Variants in PLEKHM3 observed in about 807,000 individuals in gnomAD.
The protein encoded by PLEKHM3 is pleckstrin homology domain-containing family M member 3.
A neutral mutation model predicts 81.8 loss-of-function variants in PLEKHM3; 45 were observed. That is an observed-to-expected ratio of 0.55 (90% CI 0.43 to 0.71). The LOEUF is 0.71. Ranked by LOEUF, PLEKHM3 falls within the 30% of genes least tolerant of loss-of-function variation. PLEKHM3 has a pLI of 0.00. For synonymous variants in PLEKHM3, 352 were observed against 356.4 expected (o/e 0.99, Z 0.14); for missense variants, 788 against 924.3 (o/e 0.85, Z 1.91).
intron 4 of PLEKHM3, among the ~76,000 whole-genome samples, chr2:207,944,493 G>A (rs767942145): frequency 5.9e-5 from 9 of 152,162 alleles, no homozygotes; most frequent in African/African-American, 1.9e-4. Flanking sequence ...ATGTAGGCAC[G>A]TTTATAGGTC....
At chr2:207,903,013 C>T (rs894021915) in intron 6 of PLEKHM3, among the ~76,000 whole-genome samples, 1 of 151,996 alleles carries the variant, frequency 6.6e-6, no homozygotes, top group Non-Finnish European at 1.5e-5. Flanking sequence ...CTTTTCATGG[C>T]TCTTGAGTGC....
chr2:207,894,059 G>A (rs1169132211), intron 6 of PLEKHM3, among the ~76,000 whole-genome samples: 1 of 152,208 alleles, frequency 6.6e-6, no homozygotes, highest in African/African-American at 2.4e-5. Context: ...CGAGGCTGCA[G>A]TGAGCTGGGA....
intron 5 of PLEKHM3, among the ~76,000 whole-genome samples, chr2:207,923,975 C>A (rs2105927606): frequency 7.3e-6 from 1 of 137,452 alleles, no homozygotes; most frequent in East Asian, 2.3e-4. Flanking sequence ...GTGGCGCAAT[C>A]TGAGCTCATT....
Position 207,858,174 on chromosome 2 carries a change from G to GTGTGTATATA in PLEKHM3, c.2108+2930_2108+2931insTATATACACA, listed in dbSNP as rs373920637. 4.5e-3 allele frequency among the ~76,000 whole-genome samples: 559 copies of GTGTGTATATA among 123,246 alleles called. 6 individuals carry two copies. Among genetic ancestry groups the GTGTGTATATA allele is most frequent in the African/African-American group, 0.018 (516 of 28,320 alleles). The allele number at this position is 123,246 out of a possible 152,430, so 80.9% of individuals were successfully genotyped here. A position where few individuals can be genotyped will look rare whatever the true frequency, so the allele number is the denominator to read the frequency against. ...TGTGTGTGTGTGTGTGTGTGTGTGT[G>GTGTGTATATA]TATATATTTTTTTTTTTGAGATGAA... On this transcript the variant is annotated intron_variant, in intron 7 of 7. Transcript: ENST00000427836.
Position 207,893,607 on chromosome 2 carries a change from C to T in PLEKHM3, c.1950+14907G>A, listed in dbSNP as rs114025005. Among the ~76,000 whole-genome samples the T allele has an allele frequency of 4.4e-3, 662 of 152,074 alleles. 4 individuals are homozygous for T. Among genetic ancestry groups the T allele is most frequent in the African/African-American group, 0.015 (622 of 41,468 alleles). On this transcript the variant is annotated intron_variant, in intron 6 of 7. Transcript: ENST00000427836. ...CAAGTGTATATGTCAATAATTCAAA[C>T]CAATGGAAGGGGATAGGAATTAAAA... is the stretch of plus-strand genomic sequence containing the variant.
At chr2:207,892,022 C>A (rs76382946) in intron 6 of PLEKHM3, among the ~76,000 whole-genome samples, 3,354 of 152,246 alleles carry the variant, frequency 0.022, 122 homozygotes, top group African/African-American at 0.076. Context: ...ACTGAGGACA[C>A]CCTTCAAGGT....
intron 2 of PLEKHM3, among the ~76,000 whole-genome samples, chr2:207,989,708 G>A (rs1459987578): frequency 6.6e-6 from 1 of 152,174 alleles, no homozygotes; most frequent in African/African-American, 2.4e-5. Flanking sequence ...ACCCACTGAA[G>A]AGCCTTCCTT....
At chr2:207,854,006 A>G (rs960561348) in intron 7 of PLEKHM3, among the ~76,000 whole-genome samples, 4 of 151,982 alleles carry the variant, frequency 2.6e-5, no homozygotes, top group Admixed American at 1.3e-4. Context: ...CCTGACCTCA[A>G]GTGATCCAAG....
chr2:207,908,595 T>G lies in PLEKHM3; in HGVS notation c.1887-18A>C, dbSNP rs767643090. 1.9e-6 allele frequency: 3 copies of G among 1,592,146 alleles called. No homozygotes were observed. The South Asian group carries it at 3.3e-5, about 18-fold the overall frequency. On this transcript the variant is annotated intron_variant, in intron 5 of 7. Transcript: ENST00000427836. The stretch of plus-strand genomic sequence containing the variant: ...GGAAAATTCTGAAAACAAGGGCAGA[T>G]AGACAAGTGAACTGTGGTGCTGCCA...
intron 7 of PLEKHM3, among the ~76,000 whole-genome samples, chr2:207,838,193 G>C (rs1399494155): frequency 6.6e-6 from 1 of 152,152 alleles, no homozygotes. Flanking sequence ...GGGTTCTCAT[G>C]TGAATGTGGC....
chr2:207,909,598 T>C (rs1265495319), intron 5 of PLEKHM3, among the ~76,000 whole-genome samples: 1 of 152,110 alleles, frequency 6.6e-6, no homozygotes, highest in Non-Finnish European at 1.5e-5. Context: ...TAATTGAAAA[T>C]GATAAAGAGT....
chr2:207,970,322 C>CCCCCCCA (rs1691072870), intron 3 of PLEKHM3, among the ~76,000 whole-genome samples: 1 of 151,412 alleles, frequency 6.6e-6, no homozygotes, highest in Admixed American at 6.6e-5. Context: ...GAGGAAAATG[C>CCCCCCCA]CCCCCCACCC....
At chr2:207,918,079 C>T (rs1211583108) in intron 5 of PLEKHM3, among the ~76,000 whole-genome samples, 1 of 152,010 alleles carries the variant, frequency 6.6e-6, no homozygotes, top group Non-Finnish European at 1.5e-5. Context: ...AATAATAATC[C>T]CCATTTACTT....
intron 3 of PLEKHM3, among the ~76,000 whole-genome samples, chr2:207,972,759 C>A (rs1223095857): frequency 1.3e-5 from 2 of 152,120 alleles, no homozygotes; most frequent in Non-Finnish European, 2.9e-5. Flanking sequence ...ATTTTTAAAA[C>A]CATAACCTCA....
chr2:207,942,526 GATTCTGTCAAATGCAGCAA>G (rs371617645), intron 4 of PLEKHM3, among the ~76,000 whole-genome samples: 5,935 of 152,132 alleles, frequency 0.039, 366 homozygotes, highest in African/African-American at 0.14. Flanking sequence ...CAGCAACATG[GATTCTGTCAAATGCAGCAA>G]ATTCTGTCAA....
chr2:207,965,100 C>T (rs1396836267), intron 3 of PLEKHM3, among the ~76,000 whole-genome samples: 1 of 152,044 alleles, frequency 6.6e-6, no homozygotes, highest in Non-Finnish European at 1.5e-5. Context: ...TTCTTAGGTC[C>T]ATGAAAAGCT....
chr2:207,882,104 G>C (rs2092594554), intron 6 of PLEKHM3, among the ~76,000 whole-genome samples: 2 of 152,188 alleles, frequency 1.3e-5, no homozygotes, highest in Admixed American at 1.3e-4. Flanking sequence ...AGAAATTTAA[G>C]GAGAGCAAAA....
At chr2:207,977,668 C>T in intron 2 of PLEKHM3, 82 bp from the exon 3 acceptor site, 1 of 1,219,264 alleles carries the variant, frequency 8.2e-7, no homozygotes, top group South Asian at 1.5e-5. Flanking sequence ...GATCAGGGCA[C>T]AAGAAACCAC....
chr2:208,007,548 A>G (rs1249230318), intron 1 of PLEKHM3, among the ~76,000 whole-genome samples: 1 of 152,238 alleles, frequency 6.6e-6, no homozygotes, highest in East Asian at 1.9e-4. Context: ...TGAAGCAAAC[A>G]TTAAATTGCT....
Sources: gnomAD v4.1 joint callset for allele counts (sites outside exome capture counted in the v4.1 genomes callset) on GRCh38, gnomAD v4.1.1 for gene constraint, MANE v1.5 for transcripts, NCBI Gene and HGNC (gene_info 2026-07-23, HGNC 2026-07-21) for gene names.